RNGTT: variants seen among roughly 807,000 people sequenced by gnomAD.
RNGTT encodes RNA guanylyltransferase and 5'-phosphatase, also known as mRNA-capping enzyme.
A neutral mutation model predicts 79.3 loss-of-function variants in RNGTT; 33 were observed. The observed-to-expected ratio is 0.42, with a 90% CI of 0.32 to 0.56. The LOEUF is 0.56. Among genes scored for constraint, RNGTT ranks in the 20% least tolerant of loss-of-function variants. RNGTT has a pLI of 0.17. For synonymous variants in RNGTT, 222 were observed against 235.9 expected (o/e 0.94, Z 0.54); for missense variants, 497 against 739.1 (o/e 0.67, Z 3.80).
intron 8 of RNGTT, among the ~76,000 whole-genome samples, chr6:88,866,099 T>C (rs1416458884): frequency 6.6e-6 from 1 of 152,184 alleles, no homozygotes; most frequent in Non-Finnish European, 1.5e-5. Context: ...TATCAAAGCA[T>C]ATCTTTCACT....
intron 8 of RNGTT, among the ~76,000 whole-genome samples, chr6:88,872,141 T>C (rs1782377963): frequency 6.6e-6 from 1 of 152,218 alleles, no homozygotes; most frequent in African/African-American, 2.4e-5. Context: ...TTTTATGTGC[T>C]TCCATACACA....
At chr6:88,908,921 C>A (rs1783745407) in intron 4 of RNGTT, among the ~76,000 whole-genome samples, 3 of 152,146 alleles carry the variant, frequency 2.0e-5, no homozygotes, top group African/African-American at 7.2e-5. Flanking sequence ...GTTCTGCTGG[C>A]AGCCTGCTGG....
In RNGTT at chr6:88,961,962, C is replaced by T. The variant is rs78745204; in HGVS notation, c.64+1384G>A. Among the ~76,000 whole-genome samples, 734 of 152,308 alleles carry T rather than the reference C, an allele frequency of 4.8e-3. 2 individuals are homozygous for T. The highest frequency in any genetic ancestry group is 0.017 in the African/African-American group (696 of 41,566). On this transcript the variant is annotated intron_variant, in intron 1 of 15. Transcript: ENST00000369485. Reference sequence around the variant, plus strand: ...GTATACCCAGAACAATAAACTACTACTCTGCAATAAAAAAGGAATAAACTA... The same window carrying T: ...GTATACCCAGAACAATAAACTACTATTCTGCAATAAAAAAGGAATAAACTA...
chr6:88,795,937 A>C (rs954500362), intron 12 of RNGTT, among the ~76,000 whole-genome samples: 7 of 152,176 alleles, frequency 4.6e-5, no homozygotes, highest in Admixed American at 4.6e-4. Flanking sequence ...ATTACAATTC[A>C]ACTGAAGATC....
intron 11 of RNGTT, among the ~76,000 whole-genome samples, chr6:88,810,314 T>G (rs1467134214): frequency 6.6e-6 from 1 of 152,246 alleles, no homozygotes; most frequent in East Asian, 1.9e-4. Context: ...ATGTCCCAGC[T>G]GCCTTTAAAG....
chr6:88,742,244 G>A (rs914008962), intron 13 of RNGTT, among the ~76,000 whole-genome samples: 2 of 152,160 alleles, frequency 1.3e-5, no homozygotes, highest in African/African-American at 2.4e-5. Flanking sequence ...AAAAAGGAGG[G>A]AAGGTCAATA....
chr6:88,949,254 C>A (rs1785161665), intron 1 of RNGTT, among the ~76,000 whole-genome samples: 1 of 138,396 alleles, frequency 7.2e-6, no homozygotes, highest in Non-Finnish European at 1.5e-5. Context: ...GCAAAATAAT[C>A]AGTCTTTTTT....
chr6:88,826,983 T>A (rs1253583369), intron 11 of RNGTT, among the ~76,000 whole-genome samples: 6 of 151,604 alleles, frequency 4.0e-5, no homozygotes, highest in African/African-American at 1.5e-4. Context: ...CGCTATTATT[T>A]AACTGCCATA....
At chr6:88,649,632 G>T (rs1773720942) in intron 14 of RNGTT, among the ~76,000 whole-genome samples, 1 of 152,090 alleles carries the variant, frequency 6.6e-6, no homozygotes, top group Non-Finnish European at 1.5e-5. Flanking sequence ...GGGAGGTGGA[G>T]CTTGCAGTGA....
chr6:88,900,604 G>A (rs9362585), intron 6 of RNGTT, among the ~76,000 whole-genome samples: 1 of 151,508 alleles, frequency 6.6e-6, no homozygotes, highest in African/African-American at 2.4e-5. Flanking sequence ...CGTAGTGGCA[G>A]GTGCCAATAG....
At chr6:88,930,224 CAT>C (rs1224900970) in intron 2 of RNGTT, among the ~76,000 whole-genome samples, 1 of 141,082 alleles carries the variant, frequency 7.1e-6, no homozygotes, top group Non-Finnish European at 1.5e-5. Flanking sequence ...ACATATAAAA[CAT>C]GTATCTTATT....
intron 4 of RNGTT, among the ~76,000 whole-genome samples, chr6:88,916,355 C>A (rs544496646): frequency 6.6e-6 from 1 of 152,104 alleles, no homozygotes; most frequent in East Asian, 1.9e-4. Context: ...TGCCTGTAGT[C>A]CCAGCTACTA....
intron 11 of RNGTT, among the ~76,000 whole-genome samples, chr6:88,810,493 T>C (rs548371635): frequency 1.3e-5 from 2 of 152,276 alleles, no homozygotes; most frequent in South Asian, 2.1e-4. Flanking sequence ...GCAACGATGA[T>C]GGGCAGCCTT....
In RNGTT at chr6:88,656,183, T is replaced by A. The variant is rs114513163; in HGVS notation, c.1506+22170A>T. ...TCAAAGACTGCATATAAAGGTATAA[T>A]GAACTATATCGCTTACTTAATAAAA... On this transcript the variant is annotated intron_variant, in intron 14 of 15. Coordinates refer to ENST00000369485, the MANE Select transcript of RNGTT (RefSeq NM_003800.5). Among the ~76,000 whole-genome samples the A allele has an allele frequency of 2.3e-3, 345 of 152,340 alleles. 1 individual carries two copies. The highest frequency in any genetic ancestry group is 7.9e-3 in the African/African-American group (327 of 41,588).
intron 1 of RNGTT, among the ~76,000 whole-genome samples, chr6:88,956,287 A>G (rs924934155): frequency 6.6e-6 from 1 of 152,026 alleles, no homozygotes; most frequent in Non-Finnish European, 1.5e-5. Flanking sequence ...CAACCCTCCT[A>G]GATTAAATCA....
rs147823782 is a variant in RNGTT at position 88,614,825 on chromosome 6, T to G, written c.1507-430A>C. ...TTAAAATCTAAGAAATGCCGTGTAC[T>G]AGTTAAATGAAAAAGTTACATATCA... On this transcript the variant is annotated intron_variant, in intron 14 of 15. Transcript: ENST00000369485. Among the ~76,000 whole-genome samples, 105 of 152,330 alleles carry G rather than the reference T, an allele frequency of 6.9e-4. 1 individual carries two copies. In the East Asian group the frequency reaches 0.018, roughly 27 times the overall value.
At chr6:88,632,546 C>CACACAG (rs1272419404) in intron 14 of RNGTT, among the ~76,000 whole-genome samples, 18 of 79,764 alleles carry the variant, frequency 2.3e-4, no homozygotes, top group Non-Finnish European at 2.8e-4. Flanking sequence ...GACACACAGA[C>CACACAG]ACACACACAC....
chr6:88,941,665 C>CTT (rs776214733), intron 1 of RNGTT, among the ~76,000 whole-genome samples: 22 of 142,912 alleles, frequency 1.5e-4, no homozygotes, highest in African/African-American at 4.6e-4. Flanking sequence ...TACCCTACAT[C>CTT]TTTTTTTTTT....
At chr6:88,826,816 A>ATATG (rs1274359998) in intron 11 of RNGTT, among the ~76,000 whole-genome samples, 57 of 92,142 alleles carry the variant, frequency 6.2e-4, no homozygotes, top group African/African-American at 2.6e-3. Context: ...ATATATATAT[A>ATATG]TGTGTGTGTA....
Sources: allele counts gnomAD v4.1 joint callset (sites outside exome capture counted in the v4.1 genomes callset), GRCh38; gene constraint gnomAD v4.1.1; transcripts MANE v1.5; gene names NCBI Gene and HGNC (gene_info 2026-07-23, HGNC 2026-07-21).